Variants in MSL1 observed in about 807,000 individuals in gnomAD.
MSL1 encodes the protein MSL complex subunit 1, also known as male-specific lethal 1 homolog.
Under a neutral mutation model 64.6 loss-of-function variants are expected in MSL1, and 21 were observed. That is an observed-to-expected ratio of 0.33 (90% CI 0.23 to 0.47). MSL1 has a LOEUF of 0.47. MSL1 is among the 20% of genes least tolerant of loss of function. The pLI is 1.00. For missense variants in MSL1, 664 were observed against 793.2 expected (o/e 0.84, Z 1.96); for synonymous variants, 339 against 329.6 (o/e 1.03, Z -0.31).
At chr17:40,128,229 AAAAAGG>A (rs1988364781) in intron 2 of MSL1, among the ~76,000 whole-genome samples, 1 of 152,134 alleles carries the variant, frequency 6.6e-6, no homozygotes, top group South Asian at 2.1e-4. Context: ...AGACAGTAAG[AAAAAGG>A]AAATAAAGGT....
At position 40,122,598 on chromosome 17, in the gene MSL1, C is replaced by G. The variant is rs573577800; in HGVS notation, c.-15C>G. 7 of 1,433,644 alleles carry G rather than the reference C, an allele frequency of 4.9e-6. No individual in the cohort carries two copies. The South Asian group carries it at 8.4e-5, about 17-fold the overall frequency. The allele number at this position is 1,433,644 out of a possible 1,614,324, so 88.8% of individuals were successfully genotyped here. The stretch of plus-strand genomic sequence containing the variant: ...CCCTCCTCCGCCTCGGTGCCCGGCG[C>G]TGCTCCGGACCACTATGACCATGAG... On this transcript the variant is annotated 5_prime_UTR_variant, in exon 1 of 9. Transcript: ENST00000398532. This position sits in a 1 kb window ranked among gnomAD's most constrained non-coding sequence, Gnocchi z 4.2.
chr17:40,123,547 C>T (rs965602607), intron 1 of MSL1, among the ~76,000 whole-genome samples, 167 bp downstream of exon 1: 2 of 151,404 alleles, frequency 1.3e-5, no homozygotes, highest in African/African-American at 4.9e-5. Flanking sequence ...GGCTCACAGA[C>T]ACGTTGGGTT....
In MSL1 at chr17:40,135,686, T is replaced by C. The variant is rs540798708; in HGVS notation, c.*1317T>C. 2 of 152,300 alleles carry C rather than the reference T, an allele frequency of 1.3e-5. No individual in the cohort carries two copies. Among genetic ancestry groups the C allele is most frequent in the South Asian group, 2.1e-4 (1 of 4,820 alleles). 9.4% of individuals were successfully genotyped at this position (152,300 alleles called of 1,614,324 possible). A position where few individuals can be genotyped will look rare whatever the true frequency, so the allele number is the denominator to read the frequency against. On this transcript the variant is annotated 3_prime_UTR_variant, in exon 9 of 9. Coordinates refer to ENST00000398532, the MANE Select transcript of MSL1 (RefSeq NM_001365919.1). Reference sequence around the variant, plus strand: ...GCACGAAGAGAGAATGGGATACCATTGTGGGAAGAGAAGAAAAGTTCCTCA... The same window carrying C: ...GCACGAAGAGAGAATGGGATACCATCGTGGGAAGAGAAGAAAAGTTCCTCA...
intron 6 of MSL1, 78 bp downstream of exon 6, chr17:40,133,187 T>C: frequency 7.7e-7 from 1 of 1,290,720 alleles, no homozygotes. Context: ...CTGACCTCCC[T>C]TTTTCATGCT....
rs1988195368 is a variant in MSL1, at chr17:40,122,365, G to A, written c.-248G>A. On this transcript the variant is annotated 5_prime_UTR_variant, in exon 1 of 9. Transcript: ENST00000398532. The surrounding 1 kb of genome is among the most constrained non-coding windows in gnomAD (Gnocchi z 4.2). Reference sequence around the variant, plus strand: ...TGCCTCTGAGGCGAAGGCGGCGGCGGCGGCAGCAGAGGCGGCGGCGAGGCC... The same window carrying A: ...TGCCTCTGAGGCGAAGGCGGCGGCGACGGCAGCAGAGGCGGCGGCGAGGCC... 4 of 249,670 alleles carry A rather than the reference G, an allele frequency of 1.6e-5. No individual in the cohort carries two copies. Among genetic ancestry groups the A allele is most frequent in the Non-Finnish European group, 3.0e-5 (4 of 132,498 alleles). 15.5% of individuals were successfully genotyped at this position (249,670 alleles called of 1,614,324 possible).
intron 3 of MSL1, chr17:40,130,793 C>T (rs1988424166): frequency 6.6e-6 from 1 of 152,220 alleles, no homozygotes; most frequent in Non-Finnish European, 1.5e-5. Context: ...TGGTTAACCT[C>T]TTTTGCTGCC....
In MSL1 at chr17:40,134,458, C is replaced by T; in HGVS notation, c.*89C>T. ...CCTGTATATGTGACCTTTGTCCTCACATATGTTATCACTCGCTGATAATAC... is the reference window on the plus strand; with the variant it reads ...CCTGTATATGTGACCTTTGTCCTCATATATGTTATCACTCGCTGATAATAC... On this transcript the variant is annotated 3_prime_UTR_variant, in exon 9 of 9. Coordinates refer to ENST00000398532, the MANE Select transcript of MSL1 (RefSeq NM_001365919.1). 11 of 1,029,470 alleles carry T rather than the reference C, an allele frequency of 1.1e-5. No homozygotes were observed. The highest frequency in any genetic ancestry group is 1.5e-5 in the Non-Finnish European group (10 of 676,396). The allele number at this position is 1,029,470 out of a possible 1,614,324, so 63.8% of individuals were successfully genotyped here.
chr17:40,129,142 T>G, intron 2 of MSL1, 103 bp from the exon 3 acceptor site: 3 of 1,017,632 alleles, frequency 2.9e-6, no homozygotes, highest in Non-Finnish European at 2.9e-6. Context: ...CTTGTCATTT[T>G]GGGGCAAAAG....
At chr17:40,126,436 C>T (rs762784755) in intron 2 of MSL1, 30 bp downstream of exon 2, 1 of 1,571,912 alleles carries the variant, frequency 6.4e-7, no homozygotes, top group Non-Finnish European at 8.8e-7. Context: ...TGATGAGGAC[C>T]CTTGTTACCA....
intron 5 of MSL1, among the ~76,000 whole-genome samples, 194 bp downstream of exon 5, chr17:40,132,292 A>G (rs1282597418): frequency 6.6e-6 from 1 of 152,194 alleles, no homozygotes; most frequent in African/African-American, 2.4e-5. Flanking sequence ...GTGATTTATT[A>G]AAAAATAAAT....
chr17:40,127,347 A>C (rs1988343043), intron 2 of MSL1, among the ~76,000 whole-genome samples: 1 of 152,066 alleles, frequency 6.6e-6, no homozygotes. Context: ...TTGAAAAAAA[A>C]AAAAAAAAAG....
intron 6 of MSL1, 157 bp from the exon 7 acceptor site, chr17:40,133,377 C>A: frequency 1.1e-6 from 1 of 937,116 alleles, no homozygotes; most frequent in Non-Finnish European, 1.6e-6. Context: ...ACCTAAACAG[C>A]TCTCCCTTAA....
Position 40,122,394 on chromosome 17 carries a change from A to C in MSL1, c.-219A>C. On this transcript the variant is annotated 5_prime_UTR_variant, in exon 1 of 9. An upstream start codon of the reference 5' UTR is lost. Transcript: ENST00000398532. The surrounding 1 kb of genome is among the most constrained non-coding windows in gnomAD (Gnocchi z 4.2). ...CAGCAGAGGCGGCGGCGAGGCCCCC[A>C]TGGGCCGGCGGCGGGCCTCAGCCGC... is the stretch of plus-strand genomic sequence containing the variant. 2 of 307,842 alleles carry C rather than the reference A, an allele frequency of 6.5e-6. No individual in the cohort carries two copies. 19.1% of individuals were successfully genotyped at this position (307,842 alleles called of 1,614,324 possible). A position where few individuals can be genotyped will look rare whatever the true frequency, so the allele number is the denominator to read the frequency against.
At position 40,134,408 on chromosome 17, in the gene MSL1, A is replaced by G. The variant is rs1988501789; in HGVS notation, c.*39A>G. The G allele has an allele frequency of 1.3e-6, 2 of 1,525,342 alleles. No individual in the cohort carries two copies. Among genetic ancestry groups the G allele is most frequent in the Admixed American group, 2.0e-5 (1 of 50,958 alleles). The allele number at this position is 1,525,342 out of a possible 1,614,324, so 94.5% of individuals were successfully genotyped here. A position where few individuals can be genotyped will look rare whatever the true frequency, so the allele number is the denominator to read the frequency against. ...AACCCTGTCTTCAGATAGTTGTAGC[A>G]TGCCATTCCCGAGAGTGGCAGAGAC... On this transcript the variant is annotated 3_prime_UTR_variant, in exon 9 of 9. Transcript: ENST00000398532.
rs1239011679 is a variant in MSL1 at position 40,122,497 on chromosome 17, G to C, written c.-116G>C. On this transcript the variant is annotated 5_prime_UTR_variant, in exon 1 of 9. Transcript: ENST00000398532. The surrounding 1 kb of genome is among the most constrained non-coding windows in gnomAD (Gnocchi z 4.2). ...CGCGCTAGCGGAGGCCTGCTGCCGCGCTGCTGAGGCGAGCCCGCCAAACTC... is the reference window on the plus strand; with the variant it reads ...CGCGCTAGCGGAGGCCTGCTGCCGCCCTGCTGAGGCGAGCCCGCCAAACTC... 1.3e-5 allele frequency: 9 copies of C among 708,106 alleles called. No individual in the cohort carries two copies. Among genetic ancestry groups the C allele is most frequent in the Non-Finnish European group, 1.8e-5 (9 of 492,622 alleles). The allele number at this position is 708,106 out of a possible 1,614,324, so 43.9% of individuals were successfully genotyped here.
At position 40,122,490 on chromosome 17, in the gene MSL1, C is replaced by T. The variant is rs1402195262; in HGVS notation, c.-123C>T. The T allele has an allele frequency of 1.5e-5, 10 of 661,988 alleles. 1 individual carries two copies. The highest frequency in any genetic ancestry group is 2.2e-5 in the Non-Finnish European group (10 of 450,774). The allele number at this position is 661,988 out of a possible 1,614,324, so 41.0% of individuals were successfully genotyped here. A position where few individuals can be genotyped will look rare whatever the true frequency, so the allele number is the denominator to read the frequency against. ...GAGGAGCCGCGCTAGCGGAGGCCTG[C>T]TGCCGCGCTGCTGAGGCGAGCCCGC... On this transcript the variant is annotated 5_prime_UTR_variant, in exon 1 of 9. Transcript: ENST00000398532. The surrounding 1 kb of genome is among the most constrained non-coding windows in gnomAD (Gnocchi z 4.2).
In MSL1 at chr17:40,134,483, C is replaced by T; in HGVS notation, c.*114C>T. The T allele has an allele frequency of 1.3e-6, 1 of 789,172 alleles. No homozygotes were observed. Among genetic ancestry groups the T allele is most frequent in the Non-Finnish European group, 2.1e-6 (1 of 479,186 alleles). 48.9% of individuals were successfully genotyped at this position (789,172 alleles called of 1,614,324 possible). A position where few individuals can be genotyped will look rare whatever the true frequency, so the allele number is the denominator to read the frequency against. Reference sequence around the variant, plus strand: ...CATATGTTATCACTCGCTGATAATACCCTTTCATACTTCCTTGACTTTGTT... The same window carrying T: ...CATATGTTATCACTCGCTGATAATATCCTTTCATACTTCCTTGACTTTGTT... On this transcript the variant is annotated 3_prime_UTR_variant, in exon 9 of 9. Coordinates refer to ENST00000398532, the MANE Select transcript of MSL1 (RefSeq NM_001365919.1).
chr17:40,133,477 G>C, intron 6 of MSL1, 57 bp from the exon 7 acceptor site: 1 of 1,565,886 alleles, frequency 6.4e-7, no homozygotes, highest in South Asian at 1.2e-5. Flanking sequence ...TATAGAGCAG[G>C]TTTTGGGTAA....
chr17:40,122,545 AC>A lies in MSL1; in HGVS notation c.-62del. ...CTCCCCTCCCCCCCCTCAGTCCTCG[AC>A]CCCCCGCACCTCGCCCCTTCCCCAC... is the stretch of plus-strand genomic sequence containing the variant. On this transcript the variant is annotated 5_prime_UTR_variant, in exon 1 of 9. Transcript: ENST00000398532. The surrounding 1 kb of genome is among the most constrained non-coding windows in gnomAD (Gnocchi z 4.2). 9.7e-6 allele frequency: 5 copies of A among 515,656 alleles called. No homozygotes were observed. The highest frequency in any genetic ancestry group is 1.5e-5 in the Non-Finnish European group (5 of 339,576). The allele number at this position is 515,656 out of a possible 1,614,324, so 31.9% of individuals were successfully genotyped here.
Sources: gnomAD v4.1 joint callset for allele counts (sites outside exome capture counted in the v4.1 genomes callset) on GRCh38, gnomAD v4.1.1 for gene constraint, Gnocchi (gnomAD v3.1) non-coding constraint, MANE v1.5 for transcripts, NCBI Gene and HGNC (gene_info 2026-07-23, HGNC 2026-07-21) for gene names.